GNG7: variants seen among roughly 807,000 people sequenced by gnomAD.
GNG7 encodes the protein G protein subunit gamma 7.
A neutral mutation model predicts 4.0 loss-of-function variants in GNG7; 1 was observed. The observed-to-expected ratio is 0.25, with a 90% CI of 0.09 to 1.18. The LOEUF (loss-of-function observed/expected upper bound fraction) is 1.18, where lower values mean the gene tolerates loss of function less well. GNG7 is among the 50% of genes most tolerant of loss of function. GNG7 has a pLI of 0.50. For missense variants in GNG7, 86 were observed against 91.9 expected (o/e 0.94, Z 0.26); for synonymous variants, 34 against 36.9 (o/e 0.92, Z 0.29).
chr19:2,575,133 G>A (rs1055310024), intron 2 of GNG7, among the ~76,000 whole-genome samples: 3 of 146,126 alleles, frequency 2.1e-5, no homozygotes, highest in African/African-American at 7.8e-5. Flanking sequence ...TGCCCAGGCT[G>A]GAGTGCAGTG....
intron 2 of GNG7, among the ~76,000 whole-genome samples, chr19:2,597,719 A>G (rs1981065726): frequency 6.7e-6 from 1 of 149,782 alleles, no homozygotes; most frequent in Admixed American, 6.7e-5. Context: ...ACACGGTGAA[A>G]CCCCGTCTCT....
At chr19:2,687,838 G>C (rs1465567568) in intron 1 of GNG7, among the ~76,000 whole-genome samples, 1 of 151,838 alleles carries the variant, frequency 6.6e-6, no homozygotes, top group African/African-American at 2.4e-5. Context: ...AGCCGGGCAA[G>C]GTGGCACGCA....
chr19:2,559,581 G>A (rs1241960965), intron 2 of GNG7, among the ~76,000 whole-genome samples: 1 of 151,670 alleles, frequency 6.6e-6, no homozygotes, highest in African/African-American at 2.4e-5. Context: ...AATGGTGGAT[G>A]TCGGCTCACT....
intron 2 of GNG7, among the ~76,000 whole-genome samples, chr19:2,585,737 G>A (rs1980651691): frequency 6.6e-6 from 1 of 152,122 alleles, no homozygotes; most frequent in Non-Finnish European, 1.5e-5. Context: ...GGCTTGCCCT[G>A]TTTCCCAGGC....
rs554767821 is a variant in GNG7, at chr19:2,515,287, G to A, written c.82-140C>T. 5.9e-5 allele frequency: 57 copies of A among 960,668 alleles called. No homozygotes were observed. The South Asian group carries it at 8.8e-4, about 15-fold the overall frequency. 59.5% of individuals were successfully genotyped at this position (960,668 alleles called of 1,614,324 possible). A position where few individuals can be genotyped will look rare whatever the true frequency, so the allele number is the denominator to read the frequency against. On this transcript the variant is annotated intron_variant, in intron 4 of 4. Coordinates refer to ENST00000382159, the MANE Select transcript of GNG7 (RefSeq NM_052847.3). The stretch of plus-strand genomic sequence containing the variant: ...GATGGGGGCGTGGGCAAACAGTGCG[G>A]CCCGTCCACACGCTGGAATATTACT...
At chr19:2,535,576 C>T (rs866330978) in intron 3 of GNG7, among the ~76,000 whole-genome samples, 3 of 152,096 alleles carry the variant, frequency 2.0e-5, no homozygotes, top group South Asian at 2.1e-4. Flanking sequence ...TGCTTGGGGC[C>T]TGAAGCGGGG....
chr19:2,577,250 C>A (rs910589413), intron 2 of GNG7, among the ~76,000 whole-genome samples: 7 of 152,158 alleles, frequency 4.6e-5, no homozygotes, highest in Admixed American at 4.6e-4. Flanking sequence ...GTTCAGGGTA[C>A]CCCCAGGGCT....
chr19:2,663,844 T>G (rs1351186373), intron 1 of GNG7, among the ~76,000 whole-genome samples: 1 of 152,194 alleles, frequency 6.6e-6, no homozygotes, highest in Non-Finnish European at 1.5e-5. Context: ...ATCTTGACAC[T>G]ATTAAACTGG....
chr19:2,517,675 T>A (rs1403039003), intron 4 of GNG7, among the ~76,000 whole-genome samples: 1 of 151,858 alleles, frequency 6.6e-6, no homozygotes, highest in Non-Finnish European at 1.5e-5. Context: ...TGGCCATAAT[T>A]TTTAGAATAA....
At chr19:2,555,222 T>C (rs1181741407) in intron 2 of GNG7, 34 bp from the exon 3 acceptor site, 1 of 152,092 alleles carries the variant, frequency 6.6e-6, no homozygotes, top group Non-Finnish European at 1.5e-5. Context: ...GAGAAAAGCA[T>C]GGTTACATAT....
At chr19:2,631,780 A>C (rs1466876178) in intron 2 of GNG7, among the ~76,000 whole-genome samples, 1 of 152,256 alleles carries the variant, frequency 6.6e-6, no homozygotes, top group African/African-American at 2.4e-5. Context: ...AACTTTATTT[A>C]TAAAAACAGG....
intron 1 of GNG7, among the ~76,000 whole-genome samples, chr19:2,652,703 G>C (rs943862190): frequency 6.6e-6 from 1 of 152,056 alleles, no homozygotes; most frequent in Non-Finnish European, 1.5e-5. Flanking sequence ...GGAAAGGAAG[G>C]GGGAGATGGG....
At chr19:2,624,940 A>G (rs912358762) in intron 2 of GNG7, among the ~76,000 whole-genome samples, 1 of 152,206 alleles carries the variant, frequency 6.6e-6, no homozygotes. Context: ...CACAGAAGCC[A>G]TCTCCTGGCT....
intron 2 of GNG7, among the ~76,000 whole-genome samples, chr19:2,578,404 T>TG (rs1980406166): frequency 6.6e-6 from 1 of 152,160 alleles, no homozygotes; most frequent in African/African-American, 2.4e-5. Flanking sequence ...TTTGATAGAA[T>TG]CTCTTCCTGA....
intron 2 of GNG7, among the ~76,000 whole-genome samples, chr19:2,627,970 C>T (rs1394924468): frequency 1.3e-5 from 2 of 152,224 alleles, no homozygotes; most frequent in African/African-American, 2.4e-5. Context: ...GGTGACGGTC[C>T]GGCCCAGGTG....
intron 2 of GNG7, among the ~76,000 whole-genome samples, chr19:2,587,675 C>A (rs1040929809): frequency 1.3e-5 from 2 of 152,088 alleles, no homozygotes; most frequent in Non-Finnish European, 2.9e-5. Context: ...GGCAGCATCA[C>A]ACCGACCGTG....
At chr19:2,642,759 G>A (rs757357267) in intron 2 of GNG7, 3 of 456,170 alleles carry the variant, frequency 6.6e-6, no homozygotes, top group Non-Finnish European at 1.3e-5. Flanking sequence ...CTCTCAAAGT[G>A]CTGGGATTAC....
At chr19:2,574,109 C>G (rs72974885) in intron 2 of GNG7, among the ~76,000 whole-genome samples, 12,979 of 152,180 alleles carry the variant, frequency 0.085, 801 homozygotes, top group African/African-American at 0.17. Context: ...CTGGTGCAGT[C>G]CAGGTGAAAC....
chr19:2,637,218 C>CCG (rs1555699229), intron 2 of GNG7, among the ~76,000 whole-genome samples: 5 of 144,182 alleles, frequency 3.5e-5, no homozygotes, highest in South Asian at 2.2e-4. Flanking sequence ...AGGCTCCCCC[C>CCG]GCCCCCGAGC....
Sources: gnomAD v4.1 joint callset for allele counts (sites outside exome capture counted in the v4.1 genomes callset) on GRCh38, gnomAD v4.1.1 for gene constraint, MANE v1.5 for transcripts, NCBI Gene and HGNC (gene_info 2026-07-23, HGNC 2026-07-21) for gene names.